The following DNAJC13 variants were observed in gnomAD, a reference collection of about 807,000 sequenced individuals.
The protein encoded by DNAJC13 is DnaJ heat shock protein family (Hsp40) member C13, also known as dnaJ homolog subfamily C member 13.
A neutral mutation model predicts 290.5 loss-of-function variants in DNAJC13; 75 were observed. The ratio of observed to expected loss-of-function variants is 0.26; its 90% CI spans 0.21 to 0.31. The LOEUF (loss-of-function observed/expected upper bound fraction) is 0.31, where lower values mean the gene tolerates loss of function less well. Ranked by LOEUF, DNAJC13 falls within the 10% of genes least tolerant of loss-of-function variation. The pLI, the probability that DNAJC13 is intolerant of heterozygous loss-of-function variation, is 1.00. For synonymous variants in DNAJC13, 862 were observed against 892.0 expected, an observed-to-expected ratio of 0.97 and a Z score of 0.60; for missense variants, 2,260 against 2,674.5, an observed-to-expected ratio of 0.85 and a Z score of 3.42.
Position 132,525,760 on chromosome 3 carries a change from C to T in DNAJC13, c.6211C>T (p.Arg2071Trp), listed in dbSNP as rs377206231. Residue 2071 changes from arginine (R) to tryptophan (W), a missense_variant, in exon 52 of 56, where the codon CGG becomes TGG. Transcript: ENST00000260818. ...RNNAIPKSAI[R>W]VIHALSENEL... ...CAATGCCATTCCTAAGAGTGCCATT[C>T]GGGTTATCCATGCCTTGTCTGAAAA... is the stretch of plus-strand genomic sequence containing the variant. 6.2e-6 allele frequency: 10 copies of T among 1,613,928 alleles called. No homozygotes were observed. The highest frequency in any genetic ancestry group is 2.7e-5 in the African/African-American group (2 of 74,910).
At chr3:132,438,896 G>A (rs535022018) in intron 2 of DNAJC13, among the ~76,000 whole-genome samples, 3 of 152,256 alleles carry the variant, frequency 2.0e-5, no homozygotes, top group East Asian at 1.9e-4. Context: ...GTAGATTCAG[G>A]GGGGAAAAGG....
At chr3:132,461,016 T>G in intron 14 of DNAJC13, 34 bp from the exon 15 acceptor site, 1 of 1,600,702 alleles carries the variant, frequency 6.2e-7, no homozygotes, top group Non-Finnish European at 8.5e-7. Flanking sequence ...CCCCATCTCT[T>G]AAGTCTTTAA....
At chr3:132,466,965 C>T (rs1245985051) in intron 19 of DNAJC13, among the ~76,000 whole-genome samples, 5 of 152,202 alleles carry the variant, frequency 3.3e-5, no homozygotes, top group African/African-American at 9.7e-5. Context: ...TGCCACCCCT[C>T]ATAAAAGAAT....
At chr3:132,425,195 C>T (rs895100380) in intron 1 of DNAJC13, among the ~76,000 whole-genome samples, 2 of 152,092 alleles carry the variant, frequency 1.3e-5, no homozygotes, top group Non-Finnish European at 2.9e-5. Context: ...AAGGGTTAGT[C>T]TTTCCATGGT....
chr3:132,434,429 G>A, intron 1 of DNAJC13, 109 bp from the exon 2 acceptor site: 3 of 670,840 alleles, frequency 4.5e-6, no homozygotes, highest in East Asian at 2.8e-5. Flanking sequence ...AAGGATATAC[G>A]GCAGGCTGTG....
rs756274772 is a variant in DNAJC13, at chr3:132,446,493, A to G, written c.87A>G (p.Ser29=). The change falls in exon 3 of 56, where the codon TCA becomes TCG. Residue 29 remains serine (S), a synonymous_variant. Coordinates refer to ENST00000260818, the MANE Select transcript of DNAJC13 (RefSeq NM_015268.4). ...TTTGTAGGTATAAGCGTGTCTTTTC[A>G]GTTGGAACTCATGCGATTACTACAT... ...SWRGKYKRVF[S]VGTHAITTYN... The G allele has an allele frequency of 6.2e-6, 10 of 1,607,596 alleles. No individual in the cohort carries two copies. In the East Asian group the frequency reaches 2.2e-4, roughly 36 times the overall value.
chr3:132,527,206 A>C (rs906001733), intron 53 of DNAJC13, among the ~76,000 whole-genome samples: 2 of 152,244 alleles, frequency 1.3e-5, no homozygotes, highest in Non-Finnish European at 2.9e-5. Flanking sequence ...AAATACATAC[A>C]ATAAAAAATA....
chr3:132,486,082 CTTTTTTTTTTTTT>C (rs758049804), intron 29 of DNAJC13, among the ~76,000 whole-genome samples: 6 of 40,510 alleles, frequency 1.5e-4, no homozygotes, highest in African/African-American at 3.4e-4. Context: ...ATGCCCTATC[CTTTTTTTTTTTTT>C]TTTTTTTTTT....
chr3:132,450,728 A>G lies in DNAJC13; in HGVS notation c.418A>G (p.Ile140Val), dbSNP rs1933391619. The G allele has an allele frequency of 6.2e-7, 1 of 1,613,102 alleles. No individual in the cohort carries two copies. The highest frequency in any genetic ancestry group is 8.5e-7 in the Non-Finnish European group (1 of 1,179,400). The change falls in exon 6 of 56, where the codon ATT (isoleucine) becomes GTT (valine). Residue 140 changes from isoleucine (I) to valine (V), a missense_variant. Physicochemically the swap from Ile to Val is conservative, Grantham distance 29. This residue lies in a region of DNAJC13 where 762 missense variants were observed against 964.1 expected (regional missense o/e 0.79). Coordinates refer to ENST00000260818, the MANE Select transcript of DNAJC13 (RefSeq NM_015268.4). ...LEVTPGGFDQ[I>V]NPATNRVLCS... ...AGTAACTCCAGGAGGCTTTGACCAA[A>G]TTAATCCTGCAACCAACAGAGTACT...
intron 6 of DNAJC13, among the ~76,000 whole-genome samples, chr3:132,451,273 C>A: frequency 6.6e-6 from 1 of 151,398 alleles, no homozygotes; most frequent in Admixed American, 6.6e-5. Flanking sequence ...ACCTGCCTGG[C>A]AACATAGTGA....
chr3:132,419,591 A>T (rs1366343693), intron 1 of DNAJC13, among the ~76,000 whole-genome samples: 1 of 152,214 alleles, frequency 6.6e-6, no homozygotes, highest in Non-Finnish European at 1.5e-5. Context: ...GTTTTAACTA[A>T]TTTGGCTTCA....
intron 15 of DNAJC13, among the ~76,000 whole-genome samples, chr3:132,461,516 G>A (rs188790212): frequency 1.1e-4 from 16 of 152,238 alleles, no homozygotes; most frequent in African/African-American, 3.1e-4. Context: ...TGTAGGCTGC[G>A]GGTTGGACAA....
In DNAJC13 at chr3:132,492,610, G is replaced by A; in HGVS notation, c.3820G>A (p.Asp1274Asn). 1 of 1,613,128 alleles carries A rather than the reference G, an allele frequency of 6.2e-7. No individual in the cohort carries two copies. The highest frequency in any genetic ancestry group is 8.5e-7 in the Non-Finnish European group (1 of 1,179,564). ...CCGGTTTCCAGATTGGCCAATTAAA[G>A]ACCCGGTAAGTCAGCAGTTTAATTT... ...TLRFPDWPIK[D>N]PVKLLKDTLD... The change falls in exon 33 of 56, where the codon GAC becomes AAC. Residue 1274 changes from aspartate to asparagine, a missense_variant. Physicochemically the swap from Asp to Asn is conservative, Grantham distance 23. Around this residue, in one of 3 missense-constraint regions of DNAJC13, gnomAD observed 1,494 missense variants for 1,693.7 expected, o/e 0.88. Coordinates refer to ENST00000260818, the MANE Select transcript of DNAJC13 (RefSeq NM_015268.4).
chr3:132,514,358 G>A (rs1331670022), intron 45 of DNAJC13, among the ~76,000 whole-genome samples: 3 of 152,088 alleles, frequency 2.0e-5, no homozygotes, highest in East Asian at 3.8e-4. Flanking sequence ...TCTGGAGCAT[G>A]TATGGGTATA....
At position 132,462,457 on chromosome 3, in the gene DNAJC13, C is replaced by G. The variant is rs1933830394; in HGVS notation, c.1714-10C>G. The G allele has an allele frequency of 1.9e-6, 3 of 1,606,434 alleles. No homozygotes were observed. Among genetic ancestry groups the G allele is most frequent in the Non-Finnish European group, 1.7e-6 (2 of 1,177,508 alleles). On this transcript the variant is annotated splice_polypyrimidine_tract_variant and intron_variant, in intron 15 of 55. Transcript: ENST00000260818. ...TTATTTTTTGATACTTTTTCCCCCT[C>G]ACTTTAAAGCATCCTTCCATGGCAA...
At chr3:132,480,249 A>G in intron 25 of DNAJC13, 120 bp from the exon 26 acceptor site, 1 of 570,750 alleles carries the variant, frequency 1.8e-6, no homozygotes, top group Non-Finnish European at 3.0e-6. Flanking sequence ...CAAGGACTCC[A>G]AACATTCTTT....
chr3:132,489,857 C>A (rs1935008603), intron 31 of DNAJC13, among the ~76,000 whole-genome samples: 1 of 152,136 alleles, frequency 6.6e-6, no homozygotes, highest in Admixed American at 6.6e-5. Flanking sequence ...TTAAAAAAGT[C>A]TCTAATGATA....
chr3:132,450,205 C>G (rs1933378968), intron 5 of DNAJC13, among the ~76,000 whole-genome samples: 1 of 151,530 alleles, frequency 6.6e-6, no homozygotes. Context: ...TGAGGCGGTT[C>G]AGGTTGTTTA....
At chr3:132,463,625 T>C in intron 16 of DNAJC13, 71 bp from the exon 17 acceptor site, 1 of 1,496,082 alleles carries the variant, frequency 6.7e-7, no homozygotes, top group Non-Finnish European at 9.0e-7. Context: ...ATATGTAAAA[T>C]TAGTTTTTTA....
Sources: gnomAD v4.1 joint callset for allele counts (sites outside exome capture counted in the v4.1 genomes callset) on GRCh38, gnomAD v4.1.1 for gene constraint, gnomAD v4.1.1 regional missense constraint, MANE v1.5 for transcripts, NCBI Gene and HGNC (gene_info 2026-07-23, HGNC 2026-07-21) for gene names.